The following STEAP1B variants were observed in gnomAD, a reference collection of about 807,000 sequenced individuals.
STEAP1B encodes the protein STEAP family protein MGC87042.
STEAP1B carries 13 observed loss-of-function variants against 27.9 expected under a neutral mutation model. That is an observed-to-expected ratio of 0.47 (90% CI 0.30 to 0.74). STEAP1B has a LOEUF of 0.74. Ranked by LOEUF, STEAP1B falls within the 30% of genes least tolerant of loss-of-function variation. STEAP1B has a pLI of 0.06. For synonymous variants in STEAP1B, 86 were observed against 107.1 expected (o/e 0.80, Z 1.22); for missense variants, 250 against 298.7 (o/e 0.84, Z 1.20).
At chr7:22,469,805 T>C (rs1028111135) in intron 4 of STEAP1B, among the ~76,000 whole-genome samples, 3 of 152,234 alleles carry the variant, frequency 2.0e-5, no homozygotes, top group African/African-American at 7.2e-5. Flanking sequence ...TATATTCCTA[T>C]CATTTAAGTG....
At chr7:22,440,933 C>A (rs1388831954) in intron 4 of STEAP1B, among the ~76,000 whole-genome samples, 3 of 149,516 alleles carry the variant, frequency 2.0e-5, no homozygotes, top group Non-Finnish European at 3.0e-5. Flanking sequence ...CTTTAATATT[C>A]TATTTTAAAA....
intron 4 of STEAP1B, among the ~76,000 whole-genome samples, chr7:22,445,591 G>C (rs150419896): frequency 1.3e-5 from 2 of 152,368 alleles, no homozygotes; most frequent in East Asian, 1.9e-4. Context: ...GGGTACATCC[G>C]AGCCTGGGCC....
chr7:22,473,637 T>A (rs950112532), intron 4 of STEAP1B, among the ~76,000 whole-genome samples: 5 of 152,224 alleles, frequency 3.3e-5, no homozygotes, highest in African/African-American at 1.2e-4. Context: ...CTACCTGGTC[T>A]CCAACCCCAG....
At chr7:22,484,484 G>C (rs1187024343) in intron 4 of STEAP1B, among the ~76,000 whole-genome samples, 2 of 152,188 alleles carry the variant, frequency 1.3e-5, no homozygotes, top group Non-Finnish European at 2.9e-5. Context: ...TCATAATAAA[G>C]ATGTCTTTCA....
At chr7:22,477,913 G>C (rs1583650584) in intron 4 of STEAP1B, among the ~76,000 whole-genome samples, 1 of 152,188 alleles carries the variant, frequency 6.6e-6, no homozygotes, top group Non-Finnish European at 1.5e-5. Context: ...GAAGCAAGCT[G>C]TCTTTCCAGA....
At chr7:22,473,929 C>A (rs141054421) in intron 4 of STEAP1B, among the ~76,000 whole-genome samples, 1 of 152,066 alleles carries the variant, frequency 6.6e-6, no homozygotes. Flanking sequence ...TGCCCATCCC[C>A]GAGGCTGTAT....
chr7:22,491,665 G>A (rs1388651560), intron 4 of STEAP1B, among the ~76,000 whole-genome samples: 1 of 152,142 alleles, frequency 6.6e-6, no homozygotes, highest in Non-Finnish European at 1.5e-5. Context: ...AAGAAAGTGA[G>A]TAAATTGACT....
chr7:22,432,680 G>A lies in STEAP1B; in HGVS notation c.763-12844C>T, dbSNP rs568751239. ...TTCATTCTACCCATATCTCTGTAAT[G>A]AGCCCCTTCATTAAACTATGTGATT... On this transcript the variant is annotated intron_variant, in intron 4 of 4. Transcript: ENST00000678116. 5.9e-5 allele frequency among the ~76,000 whole-genome samples: 9 copies of A among 152,276 alleles called. No individual in the cohort carries two copies. The East Asian group carries it at 1.7e-3, about 29-fold the overall frequency.
At chr7:22,445,386 G>A (rs1240040769) in intron 4 of STEAP1B, among the ~76,000 whole-genome samples, 1 of 152,234 alleles carries the variant, frequency 6.6e-6, no homozygotes, top group Non-Finnish European at 1.5e-5. Context: ...GGACAGCTGG[G>A]CCATGCCCCT....
chr7:22,436,900 G>A (rs777005002), intron 4 of STEAP1B, among the ~76,000 whole-genome samples: 19 of 152,156 alleles, frequency 1.2e-4, no homozygotes, highest in Non-Finnish European at 2.1e-4. Flanking sequence ...ATTCATTTGG[G>A]TCTATACCCA....
chr7:22,478,068 G>C (rs1786003771), intron 4 of STEAP1B, among the ~76,000 whole-genome samples: 1 of 152,212 alleles, frequency 6.6e-6, no homozygotes, highest in East Asian at 1.9e-4. Flanking sequence ...TGGGCGGCCT[G>C]AGAGTGGGGT....
chr7:22,484,583 T>G (rs1233498677), intron 4 of STEAP1B, among the ~76,000 whole-genome samples: 1 of 152,210 alleles, frequency 6.6e-6, no homozygotes, highest in Non-Finnish European at 1.5e-5. Flanking sequence ...GTTTTGTTTT[T>G]CACACCTGCT....
At chr7:22,466,968 G>A (rs1785795830) in intron 4 of STEAP1B, among the ~76,000 whole-genome samples, 1 of 152,198 alleles carries the variant, frequency 6.6e-6, no homozygotes, top group Non-Finnish European at 1.5e-5. Flanking sequence ...GCTGCTGTAA[G>A]TACTATAGAA....
chr7:22,459,190 G>C (rs773210236), intron 4 of STEAP1B, among the ~76,000 whole-genome samples: 5 of 152,216 alleles, frequency 3.3e-5, no homozygotes, highest in Non-Finnish European at 5.9e-5. Context: ...CACTCCTCTA[G>C]AGCATAGGCA....
At chr7:22,477,702 C>T (rs17298651) in intron 4 of STEAP1B, among the ~76,000 whole-genome samples, 24,205 of 151,748 alleles carry the variant, frequency 0.16, 1,978 homozygotes, top group African/African-American at 0.2. Context: ...AAAATTTTGT[C>T]TACATAGTTT....
rs563235815 is a variant in STEAP1B, at chr7:22,462,342, T to C, written c.762+30223A>G. The stretch of plus-strand genomic sequence containing the variant: ...GTGTGCTGCACCCACTAACTCGTCA[T>C]CTAGCATTAGGTATATCTACCAATG... On this transcript the variant is annotated intron_variant, in intron 4 of 4. Coordinates refer to ENST00000678116, the MANE Select transcript of STEAP1B (RefSeq NM_001382447.1). Among the ~76,000 whole-genome samples, 414 of 143,644 alleles carry C rather than the reference T, an allele frequency of 2.9e-3. 3 individuals carry two copies. The highest frequency in any genetic ancestry group is 0.01 in the African/African-American group (387 of 38,556). The allele number at this position is 143,644 out of a possible 152,430, so 94.2% of individuals were successfully genotyped here. A position where few individuals can be genotyped will look rare whatever the true frequency, so the allele number is the denominator to read the frequency against.
At chr7:22,466,004 T>C (rs1409552728) in intron 4 of STEAP1B, among the ~76,000 whole-genome samples, 1 of 152,178 alleles carries the variant, frequency 6.6e-6, no homozygotes, top group Non-Finnish European at 1.5e-5. Context: ...GGAATGAATC[T>C]TCAGGTTCAT....
At chr7:22,456,973 T>TATATATATATA (rs1554285707) in intron 4 of STEAP1B, among the ~76,000 whole-genome samples, 20 of 59,268 alleles carry the variant, frequency 3.4e-4, no homozygotes, top group African/African-American at 7.7e-4. Context: ...TATATATATA[T>TATATATATATA]TTTTTTTTTT....
chr7:22,475,709 G>C (rs1467915856), intron 4 of STEAP1B, among the ~76,000 whole-genome samples: 1 of 152,188 alleles, frequency 6.6e-6, no homozygotes, highest in East Asian at 1.9e-4. Context: ...TTCAGTGCTA[G>C]GAAATCTGGG....
Sources: gnomAD v4.1 joint callset for allele counts (sites outside exome capture counted in the v4.1 genomes callset) on GRCh38, gnomAD v4.1.1 for gene constraint, MANE v1.5 for transcripts, NCBI Gene and HGNC (gene_info 2026-07-23, HGNC 2026-07-21) for gene names.